Variants in ARMC8 observed in about 807,000 individuals in gnomAD.
ARMC8 encodes armadillo repeat-containing protein 8.
A neutral mutation model predicts 99.3 loss-of-function variants in ARMC8; 20 were observed. The ratio of observed to expected loss-of-function variants is 0.20; its 90% CI spans 0.14 to 0.29. ARMC8 has a LOEUF of 0.29. Ranked by LOEUF, ARMC8 falls within the 10% of genes least tolerant of loss-of-function variation. The pLI, the probability that ARMC8 is intolerant of heterozygous loss-of-function variation, is 1.00. For missense variants in ARMC8, 569 were observed against 809.5 expected, an observed-to-expected ratio of 0.70 and a Z score of 3.60; for synonymous variants, 263 against 278.3, an observed-to-expected ratio of 0.95 and a Z score of 0.55.
chr3:138,195,586 C>T (rs558063218), intron 1 of ARMC8, among the ~76,000 whole-genome samples: 24 of 152,246 alleles, frequency 1.6e-4, no homozygotes, highest in African/African-American at 5.8e-4. Context: ...TGTCAGCAGA[C>T]AGGAATGTCA....
rs148160525 is a variant in ARMC8 at position 138,223,468 on chromosome 3, A to G, written c.274A>G (p.Met92Val). The change falls in exon 4 of 22, where the codon ATG (methionine) becomes GTG (valine). Residue 92 changes from methionine to valine, a missense_variant. Physicochemically the swap from Met to Val is conservative, Grantham distance 21. Around this residue, in one of 2 missense-constraint regions of ARMC8, gnomAD observed 342 missense variants for 391.6 expected, o/e 0.87. Coordinates refer to ENST00000469044, the MANE Select transcript of ARMC8 (RefSeq NM_001363941.2). ...ECAVVLGSLA[M>V]GTENNVKSLL... Reference sequence around the variant, plus strand: ...TGCAGTGGTGTTGGGAAGTCTTGCTATGGGTACTGAAAACAATGTCAAGTC... The same window carrying G: ...TGCAGTGGTGTTGGGAAGTCTTGCTGTGGGTACTGAAAACAATGTCAAGTC... 2.5e-6 allele frequency: 4 copies of G among 1,614,178 alleles called. No individual in the cohort carries two copies. Among genetic ancestry groups the G allele is most frequent in the Non-Finnish European group, 3.4e-6 (4 of 1,180,006 alleles).
At chr3:138,270,272 C>A in intron 16 of ARMC8, 140 bp downstream of exon 16, 1 of 648,280 alleles carries the variant, frequency 1.5e-6, no homozygotes, top group Non-Finnish European at 2.6e-6. Flanking sequence ...TTTCTAATGA[C>A]TAGGACCTAG....
chr3:138,196,362 C>T (rs6439792), intron 1 of ARMC8, among the ~76,000 whole-genome samples: 1,822 of 152,096 alleles, frequency 0.012, 44 homozygotes, highest in African/African-American at 0.042. Context: ...AGGTTGAGTA[C>T]CTAAATCTGG....
At chr3:138,216,574 A>G (rs1576641774) in intron 2 of ARMC8, among the ~76,000 whole-genome samples, 1 of 152,244 alleles carries the variant, frequency 6.6e-6, no homozygotes. Context: ...GATAATTACA[A>G]TTACAGGGAC....
chr3:138,266,009 C>T (rs2048250707), intron 14 of ARMC8, among the ~76,000 whole-genome samples: 1 of 152,166 alleles, frequency 6.6e-6, no homozygotes, highest in South Asian at 2.1e-4. Flanking sequence ...CAAGAGTTTT[C>T]TATTTTCTAG....
chr3:138,192,924 G>C (rs770680403), intron 1 of ARMC8, among the ~76,000 whole-genome samples: 1 of 152,026 alleles, frequency 6.6e-6, no homozygotes. Flanking sequence ...TGGAGTGTTT[G>C]CTTCTTTACT....
chr3:138,255,694 C>A (rs1369864202), intron 12 of ARMC8, among the ~76,000 whole-genome samples: 1 of 152,084 alleles, frequency 6.6e-6, no homozygotes, highest in African/African-American at 2.4e-5. Flanking sequence ...TAGAAAAAAA[C>A]AAAAGCTGGG....
intron 12 of ARMC8, among the ~76,000 whole-genome samples, chr3:138,263,286 CGGTT>C (rs879499365): frequency 6.6e-6 from 1 of 152,214 alleles, no homozygotes; most frequent in Non-Finnish European, 1.5e-5. Flanking sequence ...AAGTTTCAGT[CGGTT>C]GGTAAGAAAG....
intron 10 of ARMC8, among the ~76,000 whole-genome samples, chr3:138,240,722 A>G (rs2046570323): frequency 6.6e-6 from 1 of 152,256 alleles, no homozygotes; most frequent in African/African-American, 2.4e-5. Context: ...TATTATATAT[A>G]AAAGAGCAAA....
At position 138,239,377 on chromosome 3, in the gene ARMC8, C is replaced by T. The variant is rs1050280952; in HGVS notation, c.777-91C>T. ...AAGATAAGTGATATTATTTGGTTTTCGATTTTTTAATAAAATCTTAAAGGC... is the reference window on the plus strand; with the variant it reads ...AAGATAAGTGATATTATTTGGTTTTTGATTTTTTAATAAAATCTTAAAGGC... On this transcript the variant is annotated intron_variant, in intron 9 of 21. Transcript: ENST00000469044. 154 of 990,782 alleles carry T rather than the reference C, an allele frequency of 1.6e-4. No homozygotes were observed. In the South Asian group the frequency reaches 1.7e-3, roughly 11 times the overall value. The allele number at this position is 990,782 out of a possible 1,614,324, so 61.4% of individuals were successfully genotyped here. A position where few individuals can be genotyped will look rare whatever the true frequency, so the allele number is the denominator to read the frequency against.
chr3:138,275,789 G>C (rs2049232640), intron 18 of ARMC8, among the ~76,000 whole-genome samples: 1 of 152,114 alleles, frequency 6.6e-6, no homozygotes, highest in Admixed American at 6.6e-5. Context: ...CAAAAAGTTG[G>C]TAGGTTTGAT....
chr3:138,222,990 C>T (rs1327770106), intron 3 of ARMC8, among the ~76,000 whole-genome samples: 1 of 152,120 alleles, frequency 6.6e-6, no homozygotes, highest in Non-Finnish European at 1.5e-5. Context: ...ACAAACTGCA[C>T]CACTGCTCTG....
At chr3:138,218,233 G>T (rs904865581) in intron 2 of ARMC8, among the ~76,000 whole-genome samples, 1 of 152,058 alleles carries the variant, frequency 6.6e-6, no homozygotes, top group South Asian at 2.1e-4. Flanking sequence ...CACAAGGGGG[G>T]GCATCAGCCA....
chr3:138,273,241 A>G, intron 17 of ARMC8, 125 bp downstream of exon 17: 2 of 1,055,040 alleles, frequency 1.9e-6, no homozygotes, highest in Non-Finnish European at 2.7e-6. Flanking sequence ...CCCCCTTCCA[A>G]AGAAACAAGG....
At chr3:138,241,572 G>A (rs1003266343) in intron 10 of ARMC8, among the ~76,000 whole-genome samples, 3 of 152,142 alleles carry the variant, frequency 2.0e-5, no homozygotes, top group Admixed American at 6.5e-5. Flanking sequence ...CGTACGAATA[G>A]AGTTTAATGT....
chr3:138,221,355 A>G (rs970939063), intron 2 of ARMC8, among the ~76,000 whole-genome samples: 3 of 152,226 alleles, frequency 2.0e-5, no homozygotes, highest in Admixed American at 6.5e-5. Flanking sequence ...TACATATGCA[A>G]GGCTCTTAAA....
intron 1 of ARMC8, among the ~76,000 whole-genome samples, chr3:138,203,705 G>A (rs2044205409): frequency 1.3e-5 from 2 of 152,336 alleles, no homozygotes; most frequent in South Asian, 2.1e-4. Flanking sequence ...TGAATATCAG[G>A]AGGTGGGGAT....
chr3:138,187,923 C>T (rs1216762610), intron 1 of ARMC8: 2 of 400,106 alleles, frequency 5.0e-6, no homozygotes, highest in Non-Finnish European at 9.0e-6. Flanking sequence ...CTGAGCCTTC[C>T]TTTTAGCGAT....
chr3:138,257,987 C>T (rs528192996), intron 12 of ARMC8, among the ~76,000 whole-genome samples: 4 of 152,126 alleles, frequency 2.6e-5, no homozygotes, highest in Non-Finnish European at 4.4e-5. Context: ...ATTCCAGGTC[C>T]TTATTCTTTC....
Sources: gnomAD v4.1 joint callset for allele counts (sites outside exome capture counted in the v4.1 genomes callset) on GRCh38, gnomAD v4.1.1 for gene constraint, gnomAD v4.1.1 regional missense constraint, MANE v1.5 for transcripts, NCBI Gene and HGNC (gene_info 2026-07-23, HGNC 2026-07-21) for gene names.